ARL15: variants seen among roughly 807,000 people sequenced by gnomAD.
The protein encoded by ARL15 is ADP-ribosylation factor-like protein 15.
In ARL15, 19 loss-of-function variants were observed where a neutral mutation model predicts 25.2. That is an observed-to-expected ratio of 0.75 (90% CI 0.53 to 1.10). ARL15 has a LOEUF of 1.10. Among genes scored for constraint, ARL15 ranks in the 50% least tolerant of loss-of-function variants. The pLI, the probability that ARL15 is intolerant of heterozygous loss-of-function variation, is 0.00. For synonymous variants in ARL15, 94 were observed against 86.8 expected (o/e 1.08, Z -0.46); for missense variants, 220 against 246.0 (o/e 0.89, Z 0.71).
At chr5:54,169,446 G>A (rs1304078778) in intron 2 of ARL15, among the ~76,000 whole-genome samples, 1 of 152,084 alleles carries the variant, frequency 6.6e-6, no homozygotes, top group African/African-American at 2.4e-5. Context: ...CACCTGAACT[G>A]GCATCCTATC....
rs34795383 is a variant in ARL15 at position 54,069,558 on chromosome 5, C to CAAA, written c.462+43641_462+43643dup. On this transcript the variant is annotated intron_variant, in intron 4 of 4. Coordinates refer to ENST00000504924, the MANE Select transcript of ARL15 (RefSeq NM_019087.3). ...CCTGGGTGACAACAGCAAAACGTCTCAAAAAAAAAAAAAAAAAAAAAAAAA... is the reference window on the plus strand; with the variant it reads ...CCTGGGTGACAACAGCAAAACGTCTCAAAAAAAAAAAAAAAAAAAAAAAAAAAA... Among the ~76,000 whole-genome samples the CAAA allele has an allele frequency of 5.8e-3, 281 of 48,086 alleles. 27 individuals are homozygous for CAAA. The highest frequency in any genetic ancestry group is 0.029 in the African/African-American group (268 of 9,198). The allele number at this position is 48,086 out of a possible 152,430, so 31.5% of individuals were successfully genotyped here. A position where few individuals can be genotyped will look rare whatever the true frequency, so the allele number is the denominator to read the frequency against.
chr5:54,273,984 G>A lies in ARL15; in HGVS notation c.48+36448C>T, dbSNP rs186306468. 1.1e-4 allele frequency among the ~76,000 whole-genome samples: 16 copies of A among 152,154 alleles called. 1 individual carries two copies. The South Asian group carries it at 2.1e-3, about 20-fold the overall frequency. ...AAGGCTCTAGAGTTCAAAGGAGGCC[G>A]TTAGGTCTTTCTAAGCAAGGAATGC... On this transcript the variant is annotated intron_variant, in intron 1 of 4. Coordinates refer to ENST00000504924, the MANE Select transcript of ARL15 (RefSeq NM_019087.3).
At chr5:53,993,542 CAT>C (rs1748574704) in intron 4 of ARL15, among the ~76,000 whole-genome samples, 1 of 152,220 alleles carries the variant, frequency 6.6e-6, no homozygotes, top group Non-Finnish European at 1.5e-5. Flanking sequence ...TCTGTCCTTA[CAT>C]TGCCTATTTC....
At chr5:54,103,849 T>G (rs910157927) in intron 4 of ARL15, among the ~76,000 whole-genome samples, 1 of 152,180 alleles carries the variant, frequency 6.6e-6, no homozygotes, top group African/African-American at 2.4e-5. Flanking sequence ...CAAAAATATG[T>G]GATTTTCGTA....
intron 4 of ARL15, among the ~76,000 whole-genome samples, chr5:54,095,225 A>G (rs912715123): frequency 6.6e-6 from 1 of 152,182 alleles, no homozygotes; most frequent in African/African-American, 2.4e-5. Flanking sequence ...GTATTAAAAA[A>G]AGGAACTACT....
At chr5:54,030,127 A>C (rs936429692) in intron 4 of ARL15, among the ~76,000 whole-genome samples, 3 of 152,162 alleles carry the variant, frequency 2.0e-5, no homozygotes, top group Non-Finnish European at 4.4e-5. Context: ...ATGAGCTATG[A>C]TCGTGCCACT....
At chr5:54,054,885 C>T (rs528890488) in intron 4 of ARL15, among the ~76,000 whole-genome samples, 2 of 152,240 alleles carry the variant, frequency 1.3e-5, no homozygotes, top group East Asian at 1.9e-4. Context: ...TCATCTATCT[C>T]ACTTCACCGA....
At chr5:54,010,529 A>C (rs1358261231) in intron 4 of ARL15, among the ~76,000 whole-genome samples, 1 of 152,184 alleles carries the variant, frequency 6.6e-6, no homozygotes, top group Non-Finnish European at 1.5e-5. Flanking sequence ...AACATGATTC[A>C]AAATATTCAC....
chr5:54,305,435 G>T (rs1370432663), intron 1 of ARL15, among the ~76,000 whole-genome samples: 1 of 151,958 alleles, frequency 6.6e-6, no homozygotes, highest in Non-Finnish European at 1.5e-5. Flanking sequence ...ACTCCAGCCT[G>T]CATGACAAGA....
chr5:54,284,467 G>C (rs1758139232), intron 1 of ARL15, among the ~76,000 whole-genome samples: 1 of 152,164 alleles, frequency 6.6e-6, no homozygotes, highest in Non-Finnish European at 1.5e-5. Context: ...AACCAGTACA[G>C]AGCAACGTTT....
intron 4 of ARL15, among the ~76,000 whole-genome samples, chr5:53,894,337 T>G (rs1470848398): frequency 2.6e-5 from 4 of 152,158 alleles, no homozygotes; most frequent in Admixed American, 1.3e-4. Flanking sequence ...TGACAATAAT[T>G]GTGTAGAAAC....
intron 3 of ARL15, among the ~76,000 whole-genome samples, chr5:54,119,271 G>T (rs1753003568): frequency 6.6e-6 from 1 of 152,028 alleles, no homozygotes; most frequent in Non-Finnish European, 1.5e-5. Context: ...TGTTCTTTTG[G>T]AAATGGGTTC....
At chr5:53,892,869 T>A (rs948423901) in intron 4 of ARL15, among the ~76,000 whole-genome samples, 2 of 152,150 alleles carry the variant, frequency 1.3e-5, no homozygotes, top group Non-Finnish European at 2.9e-5. Context: ...GCTCCCAAAA[T>A]GCTGGAATTA....
intron 3 of ARL15, among the ~76,000 whole-genome samples, chr5:54,129,602 C>A (rs1443296144): frequency 3.3e-5 from 5 of 152,178 alleles, no homozygotes; most frequent in Admixed American, 2.6e-4. Flanking sequence ...GCAATAGCCA[C>A]CCACTTTCCC....
intron 1 of ARL15, among the ~76,000 whole-genome samples, chr5:54,244,785 G>C (rs1215225335): frequency 8.1e-6 from 1 of 123,014 alleles, no homozygotes; most frequent in South Asian, 2.9e-4. Context: ...CGTAAACAAA[G>C]AAAAAGGTAG....
intron 4 of ARL15, among the ~76,000 whole-genome samples, chr5:54,048,933 C>T (rs1750620320): frequency 1.3e-5 from 2 of 152,042 alleles, no homozygotes; most frequent in Non-Finnish European, 2.9e-5. Context: ...GGAGTTTTAC[C>T]TCAGGTCAGT....
At chr5:54,201,687 G>T (rs943594559) in intron 1 of ARL15, among the ~76,000 whole-genome samples, 15 of 152,070 alleles carry the variant, frequency 9.9e-5, no homozygotes, top group African/African-American at 3.6e-4. Flanking sequence ...TGCTGTACTT[G>T]AAATTGAACT....
chr5:54,290,307 T>C (rs1216474690), intron 1 of ARL15, among the ~76,000 whole-genome samples: 1 of 149,568 alleles, frequency 6.7e-6, no homozygotes, highest in Non-Finnish European at 1.5e-5. Context: ...ACTCAACCTT[T>C]TTTTTTTTTT....
chr5:54,144,268 T>C (rs1438661230), intron 3 of ARL15, among the ~76,000 whole-genome samples: 2 of 152,122 alleles, frequency 1.3e-5, no homozygotes, highest in African/African-American at 2.4e-5. Flanking sequence ...CTTTCCAGTT[T>C]CTCTTTTCTC....
Sources: allele counts gnomAD v4.1 joint callset (sites outside exome capture counted in the v4.1 genomes callset), GRCh38; gene constraint gnomAD v4.1.1; transcripts MANE v1.5; gene names NCBI Gene and HGNC (gene_info 2026-07-23, HGNC 2026-07-21).